NR2C1: variants seen among roughly 807,000 people sequenced by gnomAD.
The protein encoded by NR2C1 is TR2 nuclear hormone receptor.
NR2C1 carries 33 observed loss-of-function variants against 74.8 expected under a neutral mutation model. The observed-to-expected ratio is 0.44, with a 90% confidence interval of 0.33 to 0.59. The LOEUF is 0.59. Ranked by LOEUF, NR2C1 falls within the 20% of genes least tolerant of loss-of-function variation. The pLI, the probability that NR2C1 is intolerant of heterozygous loss-of-function variation, is 0.02. For synonymous variants in NR2C1, 225 were observed against 240.6 expected, an observed-to-expected ratio of 0.94 and a Z score of 0.60; for missense variants, 568 against 715.6, an observed-to-expected ratio of 0.79 and a Z score of 2.35.
At chr12:95,038,124 T>C (rs1239099339) in intron 10 of NR2C1, among the ~76,000 whole-genome samples, 1 of 152,158 alleles carries the variant, frequency 6.6e-6, no homozygotes, top group Non-Finnish European at 1.5e-5. Context: ...AATCTTGTGG[T>C]TGTTACATTG....
chr12:95,059,582 T>C (rs1874433207), intron 4 of NR2C1, among the ~76,000 whole-genome samples: 1 of 151,246 alleles, frequency 6.6e-6, no homozygotes, highest in South Asian at 2.1e-4. Flanking sequence ...CGTGCTGGCA[T>C]GCACCTTAGC....
At chr12:95,046,723 C>G (rs890572568) in intron 9 of NR2C1, among the ~76,000 whole-genome samples, 1 of 152,056 alleles carries the variant, frequency 6.6e-6, no homozygotes, top group African/African-American at 2.4e-5. Flanking sequence ...TTCAGCTCAG[C>G]AAGTAAGAAA....
chr12:95,072,772 G>A (rs1041723951), intron 1 of NR2C1: 4 of 152,212 alleles, frequency 2.6e-5, no homozygotes, highest in East Asian at 1.9e-4. Context: ...GAGAACCCTG[G>A]GGCCGTTCCA....
chr12:95,051,933 C>G lies in NR2C1; in HGVS notation c.794G>C (p.Cys265Ser). 6.4e-7 allele frequency: 1 copy of G among 1,573,380 alleles called. No individual in the cohort carries two copies. Among genetic ancestry groups the G allele is most frequent in the Non-Finnish European group, 8.6e-7 (1 of 1,165,378 alleles). The change falls in exon 8 of 14, where the codon TGT (cysteine) becomes TCT (serine). Residue 265 changes from cysteine to serine, a missense_variant. Physicochemically the swap from Cys to Ser is moderately radical, Grantham distance 112. This residue lies in a region of NR2C1 where 239 missense variants were observed against 232.3 expected (regional missense o/e 1.03). Coordinates refer to ENST00000333003, the MANE Select transcript of NR2C1 (RefSeq NM_003297.4). ...VLMTSDKAESCQGDLSTLANV... is the reference protein window; with the variant it reads ...VLMTSDKAESSQGDLSTLANV... ...GGCCAATGTACTTAAATCTCCCTGA[C>G]ATGATTCAGCCTTTAAAAAAAAGGG...
At chr12:95,050,966 C>T (rs1872920576) in intron 8 of NR2C1, among the ~76,000 whole-genome samples, 1 of 152,096 alleles carries the variant, frequency 6.6e-6, no homozygotes, top group Admixed American at 6.6e-5. Flanking sequence ...TTTCGCTCTC[C>T]ATACACATCT....
chr12:95,047,851 G>C (rs954501345), intron 9 of NR2C1, among the ~76,000 whole-genome samples: 3 of 152,190 alleles, frequency 2.0e-5, no homozygotes, highest in Admixed American at 6.6e-5. Context: ...ATAGTAGAAA[G>C]TGATTTTCTA....
At chr12:95,066,178 C>G (rs1379623653) in intron 2 of NR2C1, among the ~76,000 whole-genome samples, 2 of 152,098 alleles carry the variant, frequency 1.3e-5, no homozygotes, top group Non-Finnish European at 2.9e-5. Context: ...ATATCTGTTT[C>G]TTTATTTAAT....
At chr12:95,046,623 T>G (rs188058507) in intron 9 of NR2C1, among the ~76,000 whole-genome samples, 1 of 152,228 alleles carries the variant, frequency 6.6e-6, no homozygotes, top group African/African-American at 2.4e-5. Flanking sequence ...AACCTCAGCT[T>G]ATGTGGTGAG....
intron 10 of NR2C1, 65 bp from the exon 11 acceptor site, chr12:95,031,553 G>A: frequency 7.8e-7 from 1 of 1,276,372 alleles, no homozygotes. Context: ...AAACCTTACA[G>A]CTAGTCCAAA....
At chr12:95,055,826 G>A (rs550941109) in intron 7 of NR2C1, among the ~76,000 whole-genome samples, 39 of 151,896 alleles carry the variant, frequency 2.6e-4, no homozygotes, top group Non-Finnish European at 5.0e-4. Context: ...GGTGGCGGGC[G>A]CCTGTAATCC....
At position 95,062,536 on chromosome 12, in the gene NR2C1, G is replaced by A. The variant is rs1220406303; in HGVS notation, c.257C>T (p.Thr86Ile). Residue 86 changes from threonine (T) to isoleucine (I), a missense_variant, in exon 3 of 14, where the codon ACT becomes ATT. Physicochemically the swap from Thr to Ile is moderately conservative, Grantham distance 89 (BLOSUM62 -1). Transcript: ENST00000333003. Reference protein sequence around the residue: ...AAGVNQLFFTTPDLSAQHLQL... With the variant: ...AAGVNQLFFTIPDLSAQHLQL... ...CAGGTGTTGTGCAGACAGATCAGGA[G>A]TGGTAAAAAATAACTGGTTGACACC... is the stretch of plus-strand genomic sequence containing the variant. 1 of 1,611,096 alleles carries A rather than the reference G, an allele frequency of 6.2e-7. No individual in the cohort carries two copies. The highest frequency in any genetic ancestry group is 8.5e-7 in the Non-Finnish European group (1 of 1,178,270).
intron 9 of NR2C1, among the ~76,000 whole-genome samples, chr12:95,045,631 A>G (rs544216346): frequency 2.0e-5 from 3 of 152,330 alleles, no homozygotes; most frequent in South Asian, 4.1e-4. Flanking sequence ...ATGGGCGACC[A>G]GAAAGACTGA....
At chr12:95,028,275 C>CT (rs200743901) in intron 12 of NR2C1, 112 bp downstream of exon 12, 2 of 814,028 alleles carry the variant, frequency 2.5e-6, no homozygotes, top group African/African-American at 3.5e-5. Flanking sequence ...CTACTGAACT[C>CT]TTTTCCCAGG....
At chr12:95,059,510 G>C (rs1396462953) in intron 4 of NR2C1, among the ~76,000 whole-genome samples, 1 of 151,600 alleles carries the variant, frequency 6.6e-6, no homozygotes, top group Non-Finnish European at 1.5e-5. Context: ...TCACGAGTTT[G>C]AGACCAGCCT....
chr12:95,065,328 G>A (rs1324626684), intron 2 of NR2C1, among the ~76,000 whole-genome samples: 2 of 151,940 alleles, frequency 1.3e-5, no homozygotes, highest in Non-Finnish European at 2.9e-5. Flanking sequence ...GATTACAGGC[G>A]CCCGCCACCC....
rs1184465413 is a variant in NR2C1 at position 95,057,098 on chromosome 12, A to ATTTTT, written c.783+450_783+454dup. On this transcript the variant is annotated intron_variant, in intron 7 of 13. Transcript: ENST00000333003. ...CCTAGTGAAATTATGAACATTTCTGATTTTTTTTTTTTTTTTTTTTTTTGA... is the reference window on the plus strand; with the variant it reads ...CCTAGTGAAATTATGAACATTTCTGATTTTTTTTTTTTTTTTTTTTTTTTTTTTGA... 7.6e-4 allele frequency among the ~76,000 whole-genome samples: 85 copies of ATTTTT among 111,548 alleles called. 1 individual carries two copies. The highest frequency in any genetic ancestry group is 2.8e-3 in the African/African-American group (83 of 29,190). 73.2% of individuals were successfully genotyped at this position (111,548 alleles called of 152,430 possible). A position where few individuals can be genotyped will look rare whatever the true frequency, so the allele number is the denominator to read the frequency against.
At chr12:95,037,826 C>T (rs1007988678) in intron 10 of NR2C1, among the ~76,000 whole-genome samples, 3 of 139,402 alleles carry the variant, frequency 2.2e-5, no homozygotes, top group Non-Finnish European at 3.0e-5. Flanking sequence ...ACCCGGGAGG[C>T]GGAGCTTGCA....
intron 11 of NR2C1, chr12:95,030,444 A>C: frequency 7.2e-7 from 1 of 1,388,396 alleles, no homozygotes; most frequent in Non-Finnish European, 9.3e-7. Flanking sequence ...TTTATTGTAG[A>C]GGGACATGTT....
intron 2 of NR2C1, among the ~76,000 whole-genome samples, chr12:95,066,174 G>GT (rs1466717979): frequency 6.6e-6 from 1 of 152,030 alleles, no homozygotes; most frequent in Non-Finnish European, 1.5e-5. Flanking sequence ...TCTCATATCT[G>GT]TTTCTTTATT....
Sources: allele counts gnomAD v4.1 joint callset (sites outside exome capture counted in the v4.1 genomes callset), GRCh38; gene constraint gnomAD v4.1.1; regional missense constraint gnomAD v4.1.1; transcripts MANE v1.5; gene names NCBI Gene and HGNC (gene_info 2026-07-23, HGNC 2026-07-21).